The following GALNT18 variants were observed in gnomAD, a reference collection of about 807,000 sequenced individuals.
GALNT18 encodes GalNAc-transferase 18.
In GALNT18, 44 loss-of-function variants were observed where a neutral mutation model predicts 69.5. That is an observed-to-expected ratio of 0.63 (90% CI 0.50 to 0.81). The LOEUF (loss-of-function observed/expected upper bound fraction) is 0.81, where lower values mean the gene tolerates loss of function less well. Ranked by LOEUF, GALNT18 falls within the 40% of genes least tolerant of loss-of-function variation. The pLI, the probability that GALNT18 is intolerant of heterozygous loss-of-function variation, is 0.00. For missense variants in GALNT18, 715 were observed against 810.0 expected (o/e 0.88, Z 1.42); for synonymous variants, 364 against 318.2 (o/e 1.14, Z -1.53).
chr11:11,407,228 G>T (rs952863757), intron 3 of GALNT18, among the ~76,000 whole-genome samples: 1 of 152,188 alleles, frequency 6.6e-6, no homozygotes, highest in Non-Finnish European at 1.5e-5. Flanking sequence ...GATGGCAGGG[G>T]CTGGTTTTAA....
At chr11:11,328,176 A>G (rs1254023527) in intron 8 of GALNT18, among the ~76,000 whole-genome samples, 1 of 152,154 alleles carries the variant, frequency 6.6e-6, no homozygotes, top group Non-Finnish European at 1.5e-5. Flanking sequence ...GACAAAAGAG[A>G]CCATCTTGCC....
chr11:11,369,708 C>A (rs1850853364), intron 6 of GALNT18, among the ~76,000 whole-genome samples: 1 of 152,002 alleles, frequency 6.6e-6, no homozygotes. Context: ...TATAATCTTT[C>A]TGTTTTCTAT....
intron 9 of GALNT18, among the ~76,000 whole-genome samples, chr11:11,322,434 G>C (rs1331763781): frequency 6.6e-6 from 1 of 152,208 alleles, no homozygotes; most frequent in East Asian, 1.9e-4. Flanking sequence ...AAGATCACAG[G>C]TGTCAGAAAG....
At chr11:11,468,541 G>GAA (rs5789687) in intron 1 of GALNT18, among the ~76,000 whole-genome samples, 8 of 149,700 alleles carry the variant, frequency 5.3e-5, no homozygotes, top group South Asian at 4.2e-4. Flanking sequence ...GAAACAGATG[G>GAA]AAAAAAAAAA....
At chr11:11,515,037 A>G (rs72867112) in intron 1 of GALNT18, among the ~76,000 whole-genome samples, 24,078 of 152,256 alleles carry the variant, frequency 0.16, 2,098 homozygotes, top group South Asian at 0.22. Context: ...GAGAGGCATT[A>G]CAGAGGCCAG....
At chr11:11,280,711 C>T (rs1017299466) in intron 10 of GALNT18, among the ~76,000 whole-genome samples, 3 of 152,152 alleles carry the variant, frequency 2.0e-5, no homozygotes, top group Non-Finnish European at 4.4e-5. Context: ...CAGGACTGAC[C>T]ACAGTGCCCA....
At chr11:11,327,221 GA>G (rs1564896380) in intron 8 of GALNT18, 40 bp from the exon 9 acceptor site, 1 of 1,373,508 alleles carries the variant, frequency 7.3e-7, no homozygotes, top group East Asian at 2.3e-5. Flanking sequence ...AAAGAGAGAG[GA>G]ACAGAGAGAG....
In GALNT18 at chr11:11,494,875, T is replaced by A. The variant is rs1207038374; in HGVS notation, c.236-45939A>T. ...TCCAACCATGATCATCTGGGAGTGT[T>A]GCAAATCAGATGCCAAATTCCACCA... is the stretch of plus-strand genomic sequence containing the variant. On this transcript the variant is annotated intron_variant, in intron 1 of 10. Transcript: ENST00000227756. The surrounding 1 kb of genome is among the most constrained non-coding windows in gnomAD (Gnocchi z 5.7). 2.0e-5 allele frequency among the ~76,000 whole-genome samples: 3 copies of A among 152,178 alleles called. No homozygotes were observed. The highest frequency in any genetic ancestry group is 7.2e-5 in the African/African-American group (3 of 41,444).
intron 1 of GALNT18, among the ~76,000 whole-genome samples, chr11:11,484,593 C>CAAAAAAAAAAAAAAAAAAAAAAAAAAAAA (rs1159968814): frequency 1.2e-5 from 1 of 83,066 alleles, no homozygotes; most frequent in Non-Finnish European, 2.2e-5. Context: ...AACTCCATCT[C>CAAAAAAAAAAAAAAAAAAAAAAAAAAAAA]AAAAAAAAAA....
chr11:11,491,488 T>C (rs1260037369), intron 1 of GALNT18, among the ~76,000 whole-genome samples: 1 of 152,202 alleles, frequency 6.6e-6, no homozygotes, highest in Non-Finnish European at 1.5e-5. Flanking sequence ...AGCCGATTGA[T>C]TTGCTCAAAG....
intron 1 of GALNT18, among the ~76,000 whole-genome samples, chr11:11,551,890 C>T (rs955183839): frequency 2.0e-5 from 3 of 152,090 alleles, no homozygotes; most frequent in African/African-American, 7.2e-5. Flanking sequence ...TCACAAAGTA[C>T]ATTCTCCAGG....
At chr11:11,307,893 C>G (rs760885587) in intron 9 of GALNT18, among the ~76,000 whole-genome samples, 8 of 152,156 alleles carry the variant, frequency 5.3e-5, no homozygotes, top group African/African-American at 1.9e-4. Context: ...GTGATGGGAA[C>G]GAAGTTCAGT....
chr11:11,500,138 A>G lies in GALNT18; in HGVS notation c.236-51202T>C, dbSNP rs1856945191. On this transcript the variant is annotated intron_variant, in intron 1 of 10. Coordinates refer to ENST00000227756, the MANE Select transcript of GALNT18 (RefSeq NM_198516.3). The surrounding 1 kb of genome is among the most constrained non-coding windows in gnomAD (Gnocchi z 5.0). ...CCATTTCCTTCTACGAAAAGACTTA[A>G]TTAGCAACCTCAAATAGGATCTCAA... 6.6e-6 allele frequency among the ~76,000 whole-genome samples: 1 copy of G among 152,178 alleles called. No individual in the cohort carries two copies. The highest frequency in any genetic ancestry group is 1.5e-5 in the Non-Finnish European group (1 of 68,036).
chr11:11,442,376 C>T (rs1855548317), intron 2 of GALNT18, among the ~76,000 whole-genome samples: 1 of 152,190 alleles, frequency 6.6e-6, no homozygotes, highest in South Asian at 2.1e-4. Flanking sequence ...ATAGATCCCC[C>T]TTGCTATGTA....
chr11:11,405,385 A>G (rs553636373), intron 3 of GALNT18, among the ~76,000 whole-genome samples: 9 of 152,342 alleles, frequency 5.9e-5, no homozygotes, highest in African/African-American at 2.2e-4. Context: ...AGACGAGTTA[A>G]AATAATCCTT....
intron 1 of GALNT18, among the ~76,000 whole-genome samples, chr11:11,519,324 C>T (rs1279859114): frequency 6.6e-6 from 1 of 152,140 alleles, no homozygotes; most frequent in Non-Finnish European, 1.5e-5. Flanking sequence ...GAGCCATTAC[C>T]ACATTAGGCC....
At chr11:11,539,058 CTAA>C (rs980823211) in intron 1 of GALNT18, among the ~76,000 whole-genome samples, 18 of 152,210 alleles carry the variant, frequency 1.2e-4, no homozygotes, top group African/African-American at 3.6e-4. Flanking sequence ...GGAGCAGGCA[CTAA>C]TGTCTGCTGA....
Position 11,271,029 on chromosome 11 carries a change from TG to T in GALNT18, c.*114del. 1.2e-6 allele frequency: 1 copy of T among 850,296 alleles called. No homozygotes were observed. Among genetic ancestry groups the T allele is most frequent in the Admixed American group, 2.9e-5 (1 of 34,894 alleles). The allele number at this position is 850,296 out of a possible 1,614,324, so 52.7% of individuals were successfully genotyped here. A position where few individuals can be genotyped will look rare whatever the true frequency, so the allele number is the denominator to read the frequency against. On this transcript the variant is annotated 3_prime_UTR_variant, in exon 11 of 11. Coordinates refer to ENST00000227756, the MANE Select transcript of GALNT18 (RefSeq NM_198516.3). ...TGAATAGGAAATAAAAAGCTCTTCT[TG>T]GGGGCCCACTAACCTGGTTCCCCAG...
At chr11:11,417,158 A>T (rs1473016924) in intron 3 of GALNT18, among the ~76,000 whole-genome samples, 1 of 152,182 alleles carries the variant, frequency 6.6e-6, no homozygotes, top group Non-Finnish European at 1.5e-5. Flanking sequence ...CCACACCACC[A>T]TTGCAAAACC....
Sources: gnomAD v4.1 joint callset for allele counts (sites outside exome capture counted in the v4.1 genomes callset) on GRCh38, gnomAD v4.1.1 for gene constraint, Gnocchi (gnomAD v3.1) non-coding constraint, MANE v1.5 for transcripts, NCBI Gene and HGNC (gene_info 2026-07-23, HGNC 2026-07-21) for gene names.